EML6: variants seen among roughly 807,000 people sequenced by gnomAD.
The protein encoded by EML6 is echinoderm microtubule-associated protein-like 6.
A neutral mutation model predicts 240.1 loss-of-function variants in EML6; 154 were observed. That is an observed-to-expected ratio of 0.64 (90% confidence interval 0.56 to 0.73). The LOEUF (loss-of-function observed/expected upper bound fraction) is 0.73. EML6 is among the 30% of genes least tolerant of loss of function. The pLI is 0.00. For missense variants in EML6, 2,964 were observed against 2,474.6 expected (o/e 1.20, Z -4.20); for synonymous variants, 1,148 against 899.0 (o/e 1.28, Z -4.95).
chr2:54,838,489 A>T (rs1384741308), intron 7 of EML6, among the ~76,000 whole-genome samples: 1 of 152,220 alleles, frequency 6.6e-6, no homozygotes, highest in Non-Finnish European at 1.5e-5. Flanking sequence ...AATCCAGTTC[A>T]TATATTTAAC....
chr2:54,901,054 A>G (rs1239591390), intron 22 of EML6, among the ~76,000 whole-genome samples: 1 of 152,240 alleles, frequency 6.6e-6, no homozygotes, highest in Non-Finnish European at 1.5e-5. Context: ...AAACAGTAGT[A>G]ACAATAGTGA....
chr2:54,809,610 T>C (rs1032834298), intron 2 of EML6, among the ~76,000 whole-genome samples: 4 of 152,132 alleles, frequency 2.6e-5, no homozygotes, highest in African/African-American at 9.7e-5. Flanking sequence ...TTGGTTTCAT[T>C]TGGGGAAAAT....
intron 17 of EML6, among the ~76,000 whole-genome samples, chr2:54,885,510 C>G (rs766930248): frequency 6.6e-6 from 1 of 152,124 alleles, no homozygotes; most frequent in Non-Finnish European, 1.5e-5. Context: ...GATTTCTTCT[C>G]TTGGTGTTAA....
At chr2:54,895,800 G>A (rs944461835) in intron 21 of EML6, among the ~76,000 whole-genome samples, 3 of 152,156 alleles carry the variant, frequency 2.0e-5, no homozygotes, top group African/African-American at 7.2e-5. Context: ...CTGGCTGTTG[G>A]CCAGAGGCCA....
At chr2:54,771,477 C>G (rs942513185) in intron 2 of EML6, among the ~76,000 whole-genome samples, 1 of 152,252 alleles carries the variant, frequency 6.6e-6, no homozygotes, top group African/African-American at 2.4e-5. Context: ...TCTTCATCAG[C>G]TGTTTATCAC....
At chr2:54,821,700 A>C (rs1203558147) in intron 5 of EML6, among the ~76,000 whole-genome samples, 1 of 152,150 alleles carries the variant, frequency 6.6e-6, no homozygotes, top group African/African-American at 2.4e-5. Flanking sequence ...AAAGCTGAAA[A>C]ATAGACCTTA....
chr2:54,847,753 C>A, intron 9 of EML6, 130 bp downstream of exon 9: 6 of 786,696 alleles, frequency 7.6e-6, no homozygotes, highest in Admixed American at 4.3e-5. Context: ...TACTATAGAT[C>A]TACGATCCCC....
At chr2:54,956,807 G>A (rs765363446) in intron 32 of EML6, among the ~76,000 whole-genome samples, 1 of 151,880 alleles carries the variant, frequency 6.6e-6, no homozygotes, top group Non-Finnish European at 1.5e-5. Context: ...TCAAGGGAGG[G>A]GTGACAAGAA....
chr2:54,897,376 C>A (rs1268160405), intron 21 of EML6, among the ~76,000 whole-genome samples: 1 of 152,172 alleles, frequency 6.6e-6, no homozygotes, highest in East Asian at 1.9e-4. Flanking sequence ...ATATTGAGCA[C>A]CTACTCTGTG....
Position 54,971,525 on chromosome 2 carries a change from G to A in EML6, c.*1430G>A, listed in dbSNP as rs60351949. 1 of 152,124 alleles carries A rather than the reference G, an allele frequency of 6.6e-6. No homozygotes were observed. Among genetic ancestry groups the A allele is most frequent in the African/African-American group, 2.4e-5 (1 of 41,404 alleles). The allele number at this position is 152,124 out of a possible 1,614,324, so 9.4% of individuals were successfully genotyped here. A position where few individuals can be genotyped will look rare whatever the true frequency, so the allele number is the denominator to read the frequency against. On this transcript the variant is annotated 3_prime_UTR_variant, in exon 42 of 42. Transcript: ENST00000356458. Reference sequence around the variant, plus strand: ...ATGAGGCATTTTCAATTGTAGAATAGACTAACATTTACCACAGAAGTGCTT... The same window carrying A: ...ATGAGGCATTTTCAATTGTAGAATAAACTAACATTTACCACAGAAGTGCTT...
chr2:54,803,026 G>A (rs919813092), intron 2 of EML6, among the ~76,000 whole-genome samples: 4 of 152,090 alleles, frequency 2.6e-5, no homozygotes, highest in Admixed American at 2.6e-4. Context: ...CCTCTTTCCT[G>A]CCCACTTACT....
At chr2:54,727,961 G>A (rs961871194) in intron 2 of EML6, among the ~76,000 whole-genome samples, 12 of 152,172 alleles carry the variant, frequency 7.9e-5, no homozygotes, top group Non-Finnish European at 1.3e-4. Flanking sequence ...CAGCATATGT[G>A]TCCTTCTGCT....
rs770428391 is a variant in EML6 at position 54,970,872 on chromosome 2, AG to A, written c.*779del. ...AGACATCGGTTACCTGCTTATGGGA[AG>A]GTGAGCAGCAAAGGAATTGAAGTTC... On this transcript the variant is annotated 3_prime_UTR_variant, in exon 42 of 42. Transcript: ENST00000356458. 11 of 152,254 alleles carry A rather than the reference AG, an allele frequency of 7.2e-5. No individual in the cohort carries two copies. The highest frequency in any genetic ancestry group is 1.6e-4 in the Non-Finnish European group (11 of 68,052). The allele number at this position is 152,254 out of a possible 1,614,324, so 9.4% of individuals were successfully genotyped here.
At chr2:54,761,437 GT>G (rs1339622393) in intron 2 of EML6, among the ~76,000 whole-genome samples, 1 of 152,014 alleles carries the variant, frequency 6.6e-6, no homozygotes, top group African/African-American at 2.4e-5. Flanking sequence ...GTTGAATAAG[GT>G]ATTTCCCCTT....
chr2:54,812,129 C>T (rs1243329642), intron 2 of EML6, among the ~76,000 whole-genome samples: 1 of 152,038 alleles, frequency 6.6e-6, no homozygotes, highest in Non-Finnish European at 1.5e-5. Context: ...TCGCTCTGTA[C>T]CGGGCACTCT....
At chr2:54,837,472 A>C (rs570547839) in intron 7 of EML6, among the ~76,000 whole-genome samples, 69 of 152,330 alleles carry the variant, frequency 4.5e-4, no homozygotes, top group African/African-American at 1.5e-3. Flanking sequence ...ACTCACGGGC[A>C]CACGGCTTGG....
At chr2:54,964,547 C>G in intron 37 of EML6, 24 bp from the exon 38 acceptor site, 1 of 1,551,476 alleles carries the variant, frequency 6.4e-7, no homozygotes, top group Non-Finnish European at 8.7e-7. Flanking sequence ...CTCATGGACT[C>G]TGCTCTCGGA....
At chr2:54,929,353 G>A (rs1674732357) in intron 28 of EML6, among the ~76,000 whole-genome samples, 1 of 152,120 alleles carries the variant, frequency 6.6e-6, no homozygotes, top group African/African-American at 2.4e-5. Context: ...TCAATGTGCT[G>A]TTATAAGTAT....
chr2:54,960,376 G>T, intron 35 of EML6, 42 bp downstream of exon 35: 2 of 1,424,818 alleles, frequency 1.4e-6, no homozygotes, highest in Non-Finnish European at 1.9e-6. Flanking sequence ...CCAGGGAAGG[G>T]GGAAGTGTAG....
Sources: allele counts gnomAD v4.1 joint callset (sites outside exome capture counted in the v4.1 genomes callset), GRCh38; gene constraint gnomAD v4.1.1; transcripts MANE v1.5; gene names NCBI Gene and HGNC (gene_info 2026-07-23, HGNC 2026-07-21).